USP34: variants seen among roughly 807,000 people sequenced by gnomAD.
The protein encoded by USP34 is ubiquitin carboxyl-terminal hydrolase 34.
In USP34, 70 loss-of-function variants were observed where a neutral mutation model predicts 460.3. The ratio of observed to expected loss-of-function variants is 0.15; its 90% CI spans 0.13 to 0.19. USP34 has a LOEUF of 0.19. Among genes scored for constraint, USP34 ranks in the 10% least tolerant of loss-of-function variants. USP34 has a pLI of 1.00. For missense variants in USP34, 3,985 were observed against 4,236.2 expected, an observed-to-expected ratio of 0.94 and a Z score of 1.65; for synonymous variants, 1,647 against 1,405.3, an observed-to-expected ratio of 1.17 and a Z score of -3.85.
chr2:61,238,185 C>T (rs182155314), intron 53 of USP34, among the ~76,000 whole-genome samples: 5 of 152,190 alleles, frequency 3.3e-5, no homozygotes, highest in Non-Finnish European at 7.4e-5. Context: ...TGTGAGGCAA[C>T]GTGCCCAGCC....
At chr2:61,307,205 T>G (rs1325762572) in intron 27 of USP34, among the ~76,000 whole-genome samples, 2 of 150,636 alleles carry the variant, frequency 1.3e-5, no homozygotes, top group Non-Finnish European at 2.9e-5. Context: ...CTCAGCAAAC[T>G]ATCACAAGGA....
At chr2:61,360,236 T>A (rs766858864) in intron 10 of USP34, among the ~76,000 whole-genome samples, 1 of 151,958 alleles carries the variant, frequency 6.6e-6, no homozygotes, top group Non-Finnish European at 1.5e-5. Flanking sequence ...GGACTCCAAA[T>A]AGAAAACAGG....
intron 18 of USP34, among the ~76,000 whole-genome samples, chr2:61,338,975 G>C (rs1193784174): frequency 1.3e-5 from 2 of 152,134 alleles, no homozygotes; most frequent in African/African-American, 4.8e-5. Context: ...TTATGTTGTA[G>C]CTTAAGTAAA....
At chr2:61,206,505 T>C (rs887425451) in intron 71 of USP34, among the ~76,000 whole-genome samples, 1 of 152,188 alleles carries the variant, frequency 6.6e-6, no homozygotes, top group African/African-American at 2.4e-5. Context: ...GTTACTGTGT[T>C]TGGAAATGTT....
intron 43 of USP34, among the ~76,000 whole-genome samples, chr2:61,263,016 CTTTTT>C (rs1013701561): frequency 6.8e-6 from 1 of 146,604 alleles, no homozygotes; most frequent in African/African-American, 2.5e-5. Flanking sequence ...CCTTTGTCCA[CTTTTT>C]TTTTTAAGAT....
intron 10 of USP34, among the ~76,000 whole-genome samples, chr2:61,357,087 G>C (rs1045844352): frequency 1.3e-5 from 2 of 152,112 alleles, no homozygotes; most frequent in Non-Finnish European, 2.9e-5. Flanking sequence ...AACACAATAA[G>C]CCAAATAGAC....
At chr2:61,215,435 C>T (rs1207859058) in intron 67 of USP34, among the ~76,000 whole-genome samples, 1 of 152,168 alleles carries the variant, frequency 6.6e-6, no homozygotes, top group East Asian at 1.9e-4. Context: ...TCTTTTAAGG[C>T]TAAACTTACA....
intron 43 of USP34, among the ~76,000 whole-genome samples, chr2:61,261,060 T>C (rs1558496693): frequency 6.6e-6 from 1 of 152,206 alleles, no homozygotes; most frequent in Non-Finnish European, 1.5e-5. Flanking sequence ...TAAACCCTTA[T>C]GCATGCAAAA....
chr2:61,230,680 T>A (rs769400652), intron 58 of USP34, among the ~76,000 whole-genome samples: 6 of 151,626 alleles, frequency 4.0e-5, no homozygotes, highest in Non-Finnish European at 7.4e-5. Flanking sequence ...CCGTCTCTAC[T>A]AAAAATACAA....
chr2:61,470,668 C>A lies in USP34; in HGVS notation c.25G>T (p.Val9Leu). 3.1e-6 allele frequency: 5 copies of A among 1,597,200 alleles called. No individual in the cohort carries two copies. The highest frequency in any genetic ancestry group is 4.3e-6 in the Non-Finnish European group (5 of 1,172,098). The change falls in exon 1 of 80, where the codon GTG becomes TTG. Residue 9 changes from valine to leucine, a missense_variant. Transcript: ENST00000398571. Reference protein sequence around the residue: MCENCADLVEVLNEISDVE... With the variant: MCENCADLLEVLNEISDVE... Reference sequence around the variant, plus strand: ...TACTTACTTTCATTTAACACCTCCACCAGGTCTGCGCAGTTCTCGCACATC... The same window carrying A: ...TACTTACTTTCATTTAACACCTCCAACAGGTCTGCGCAGTTCTCGCACATC...
At chr2:61,467,734 C>T (rs943646152) in intron 1 of USP34, among the ~76,000 whole-genome samples, 1 of 147,940 alleles carries the variant, frequency 6.8e-6, no homozygotes, top group Non-Finnish European at 1.5e-5. Context: ...AATTCTCCTG[C>T]CTCAGCCTCC....
intron 61 of USP34, among the ~76,000 whole-genome samples, chr2:61,227,575 G>C (rs1203010741): frequency 6.6e-6 from 1 of 152,096 alleles, no homozygotes; most frequent in African/African-American, 2.4e-5. Flanking sequence ...GCCAGGCGTG[G>C]TGGCACGCGC....
chr2:61,333,893 G>T lies in USP34; in HGVS notation c.2823C>A (p.His941Gln). ...TTTTATTTACTTACATTGTTATCCA[G>T]TGTGTATCGTAACTGCTCCCAAACT... is the stretch of plus-strand genomic sequence containing the variant. ...FQQFGSSYDT[H>Q]WITMWAEKEL... is the part of the protein sequence containing the mutation. Residue 941 changes from histidine to glutamine, a missense_variant, in exon 19 of 80, where the codon CAC becomes CAA. By Grantham distance (24) the His-to-Gln change is conservative (BLOSUM62 0). Transcript: ENST00000398571. 6.4e-7 allele frequency: 1 copy of T among 1,573,330 alleles called. No homozygotes were observed. Among genetic ancestry groups the T allele is most frequent in the Non-Finnish European group, 8.6e-7 (1 of 1,159,510 alleles).
chr2:61,440,837 A>C (rs1209481128), intron 1 of USP34, among the ~76,000 whole-genome samples: 1 of 151,828 alleles, frequency 6.6e-6, no homozygotes, highest in East Asian at 2.0e-4. Context: ...AATTTAAAAA[A>C]AAAAAAAATT....
intron 20 of USP34, among the ~76,000 whole-genome samples, chr2:61,328,899 G>A (rs945804433): frequency 6.6e-6 from 1 of 152,180 alleles, no homozygotes; most frequent in Non-Finnish European, 1.5e-5. Flanking sequence ...TTACAGCTGT[G>A]GTGGGAGCTC....
chr2:61,369,037 A>G (rs766042376), intron 10 of USP34, among the ~76,000 whole-genome samples: 20 of 152,212 alleles, frequency 1.3e-4, no homozygotes, highest in Non-Finnish European at 2.6e-4. Context: ...TTCCAGAAAA[A>G]GCAACAAAAT....
intron 49 of USP34, among the ~76,000 whole-genome samples, chr2:61,246,985 T>C (rs1439936208): frequency 1.3e-5 from 2 of 151,794 alleles, no homozygotes; most frequent in Non-Finnish European, 2.9e-5. Context: ...GGTTTCCTTT[T>C]AAAAAAAAGG....
At chr2:61,346,548 A>C (rs1392735604) in intron 15 of USP34, among the ~76,000 whole-genome samples, 1 of 147,892 alleles carries the variant, frequency 6.8e-6, no homozygotes, top group Non-Finnish European at 1.5e-5. Flanking sequence ...AAAAAAAAAA[A>C]AAAAAGGCCA....
At chr2:61,199,277 C>T (rs769588994) in intron 75 of USP34, among the ~76,000 whole-genome samples, 6 of 150,810 alleles carry the variant, frequency 4.0e-5, no homozygotes, top group South Asian at 2.1e-4. Context: ...TTTTTTGAGA[C>T]GGAGTTTCAC....
Sources: allele counts gnomAD v4.1 joint callset (sites outside exome capture counted in the v4.1 genomes callset), GRCh38; gene constraint gnomAD v4.1.1; transcripts MANE v1.5; gene names NCBI Gene and HGNC (gene_info 2026-07-23, HGNC 2026-07-21).